The following NAV2 variants were observed in gnomAD, a reference collection of about 807,000 sequenced individuals.
NAV2 encodes the protein helicase, APC down-regulated 1.
A neutral mutation model predicts 223.2 loss-of-function variants in NAV2; 54 were observed. The observed-to-expected ratio is 0.24, with a 90% CI of 0.19 to 0.30. NAV2 has a LOEUF of 0.30. Ranked by LOEUF, NAV2 falls within the 10% of genes least tolerant of loss-of-function variation. The pLI is 1.00. For synonymous variants in NAV2, 1,279 were observed against 1,239.3 expected (o/e 1.03, Z -0.67); for missense variants, 2,806 against 3,147.5 (o/e 0.89, Z 2.60).
chr11:19,977,803 T>C (rs905996826), intron 10 of NAV2, among the ~76,000 whole-genome samples: 85 of 141,914 alleles, frequency 6.0e-4, no homozygotes, highest in African/African-American at 1.9e-3. Context: ...TTTTTCTTTT[T>C]TTTTTTTTTT....
intron 1 of NAV2, among the ~76,000 whole-genome samples, chr11:19,545,906 A>T (rs1273743709): frequency 6.6e-6 from 1 of 152,184 alleles, no homozygotes; most frequent in Non-Finnish European, 1.5e-5. Context: ...TTTTAAGCAG[A>T]ACTTTTTGGT....
chr11:20,055,873 C>A lies in NAV2; in HGVS notation c.4747C>A (p.Arg1583Ser). ...GCAGTATGATCCATACACTGACAGC[C>A]GCTTCCGGAATAGCTCCATGTCCCT... is the stretch of plus-strand genomic sequence containing the variant. Reference protein sequence around the residue: ...DGQYDPYTDSRFRNSSMSLDE... With the variant: ...DGQYDPYTDSSFRNSSMSLDE... The change falls in exon 19 of 38, where the codon CGC (arginine) becomes AGC (serine). Residue 1583 changes from arginine (R) to serine (S), a missense_variant. Coordinates refer to ENST00000349880, the MANE Select transcript of NAV2 (RefSeq NM_145117.5). 6.2e-7 allele frequency: 1 copy of A among 1,614,186 alleles called. No individual in the cohort carries two copies. The highest frequency in any genetic ancestry group is 8.5e-7 in the Non-Finnish European group (1 of 1,180,042).
chr11:19,802,071 G>A (rs1020794690), intron 1 of NAV2, among the ~76,000 whole-genome samples: 1 of 152,086 alleles, frequency 6.6e-6, no homozygotes, highest in East Asian at 1.9e-4. Context: ...ATGATATTAT[G>A]ACTCGTGAAA....
intron 1 of NAV2, among the ~76,000 whole-genome samples, chr11:19,663,837 C>G (rs536616322): frequency 6.6e-6 from 1 of 152,158 alleles, no homozygotes; most frequent in Admixed American, 6.5e-5. Context: ...CATATATCTT[C>G]GATGTTAAGA....
intron 26 of NAV2, among the ~76,000 whole-genome samples, chr11:20,090,514 GAA>G (rs2060765949): frequency 1.3e-5 from 2 of 151,694 alleles, no homozygotes; most frequent in Admixed American, 6.6e-5. Context: ...CAAAAAGCAG[GAA>G]AAGAGTGAAA....
intron 1 of NAV2, among the ~76,000 whole-genome samples, chr11:19,501,711 T>C (rs1413217745): frequency 1.3e-5 from 2 of 151,566 alleles, no homozygotes; most frequent in Admixed American, 6.6e-5. Flanking sequence ...TACTAGATAC[T>C]GTAGGAGAAA....
chr11:19,518,566 C>G (rs972733953), intron 1 of NAV2: 4 of 152,222 alleles, frequency 2.6e-5, no homozygotes, highest in African/African-American at 7.2e-5. Flanking sequence ...AACAAAGTAC[C>G]CTGCCTTTTG....
intron 1 of NAV2, among the ~76,000 whole-genome samples, chr11:19,359,347 G>A (rs895637350): frequency 1.3e-5 from 2 of 152,228 alleles, no homozygotes; most frequent in Non-Finnish European, 2.9e-5. Context: ...GTAGAGACAT[G>A]CCTTTTCCCT....
intron 10 of NAV2, among the ~76,000 whole-genome samples, chr11:19,962,622 C>CG: frequency 6.6e-6 from 1 of 152,302 alleles, no homozygotes; most frequent in South Asian, 2.1e-4. Flanking sequence ...TCCCTTCCTT[C>CG]GTCCCCTGGG....
At chr11:19,797,461 A>G (rs2057982092) in intron 1 of NAV2, among the ~76,000 whole-genome samples, 1 of 152,102 alleles carries the variant, frequency 6.6e-6, no homozygotes, top group Non-Finnish European at 1.5e-5. Flanking sequence ...GAGAGTTTTG[A>G]TCTTAGACTA....
At chr11:19,968,989 A>T (rs535138239) in intron 10 of NAV2, among the ~76,000 whole-genome samples, 1 of 152,158 alleles carries the variant, frequency 6.6e-6, no homozygotes, top group South Asian at 2.1e-4. Flanking sequence ...TGAGTGTCTC[A>T]TGCCCAGGTT....
chr11:19,897,120 A>G (rs1236257225), intron 6 of NAV2, among the ~76,000 whole-genome samples: 64 of 152,082 alleles, frequency 4.2e-4, no homozygotes, highest in Admixed American at 4.2e-3. Flanking sequence ...ATTCTCAGCA[A>G]ACTATCACAA....
chr11:20,078,159 TC>T, intron 24 of NAV2, 55 bp downstream of exon 24: 1 of 1,217,054 alleles, frequency 8.2e-7, no homozygotes, highest in East Asian at 2.4e-5. Context: ...TTAGGAGCCC[TC>T]CCCTGACATC....
chr11:19,870,085 G>A (rs540948487), intron 4 of NAV2, among the ~76,000 whole-genome samples: 1 of 152,256 alleles, frequency 6.6e-6, no homozygotes, highest in East Asian at 1.9e-4. Flanking sequence ...TAACTCTGAT[G>A]TGCTGGACCT....
chr11:19,477,734 T>G (rs1012784723), intron 1 of NAV2, among the ~76,000 whole-genome samples: 1 of 152,250 alleles, frequency 6.6e-6, no homozygotes, highest in African/African-American at 2.4e-5. Context: ...AATCTCATTT[T>G]ATCTTCATGG....
At chr11:19,624,082 G>A (rs559044595) in intron 1 of NAV2, among the ~76,000 whole-genome samples, 4 of 152,274 alleles carry the variant, frequency 2.6e-5, no homozygotes, top group East Asian at 3.9e-4. Context: ...GCAGAACAGC[G>A]AGTATTGCAG....
At chr11:19,566,638 T>C (rs1374488402) in intron 1 of NAV2, among the ~76,000 whole-genome samples, 1 of 152,204 alleles carries the variant, frequency 6.6e-6, no homozygotes, top group Non-Finnish European at 1.5e-5. Context: ...ATTCCAGAAC[T>C]GCCGGTTATG....
chr11:19,836,237 C>T (rs1358739596), intron 2 of NAV2, among the ~76,000 whole-genome samples: 1 of 152,198 alleles, frequency 6.6e-6, no homozygotes, highest in Non-Finnish European at 1.5e-5. Flanking sequence ...CAGCTCTCAA[C>T]TGTCAGGTTT....
chr11:19,400,354 G>A (rs914074838), intron 1 of NAV2, among the ~76,000 whole-genome samples: 6 of 152,174 alleles, frequency 3.9e-5, no homozygotes, highest in Non-Finnish European at 5.9e-5. Flanking sequence ...CAATTCCGAA[G>A]GTCCTAACCG....
Sources: gnomAD v4.1 joint callset for allele counts (sites outside exome capture counted in the v4.1 genomes callset) on GRCh38, gnomAD v4.1.1 for gene constraint, MANE v1.5 for transcripts, NCBI Gene and HGNC (gene_info 2026-07-23, HGNC 2026-07-21) for gene names.